SLAMF1: variants seen among roughly 807,000 people sequenced by gnomAD.
SLAMF1 encodes signaling lymphocytic activation molecule.
A neutral mutation model predicts 35.1 loss-of-function variants in SLAMF1; 18 were observed. The ratio of observed to expected loss-of-function variants is 0.51; its 90% CI spans 0.35 to 0.76. The LOEUF is 0.76. Ranked by LOEUF, SLAMF1 falls within the 30% of genes least tolerant of loss-of-function variation. The pLI is 0.01. For synonymous variants in SLAMF1, 168 were observed against 157.2 expected (o/e 1.07, Z -0.51); for missense variants, 392 against 413.0 (o/e 0.95, Z 0.44).
chr1:160,633,587 G>A (rs1057426247), intron 3 of SLAMF1, among the ~76,000 whole-genome samples: 2 of 152,214 alleles, frequency 1.3e-5, no homozygotes, highest in African/African-American at 2.4e-5. Context: ...AGTGGATGCA[G>A]AGAGGAGAAT....
rs1196237887 is a variant in SLAMF1, at chr1:160,642,833, A to G, written c.76+4037T>C. 6.6e-6 allele frequency among the ~76,000 whole-genome samples: 1 copy of G among 152,174 alleles called. No individual in the cohort carries two copies. Among genetic ancestry groups the G allele is most frequent in the Admixed American group, 6.5e-5 (1 of 15,282 alleles). The stretch of plus-strand genomic sequence containing the variant: ...GTACAACAGACAACTTGCCAAGAAC[A>G]CTTGAAACCCTTTACCTCTGCATTT... On this transcript the variant is annotated intron_variant, in intron 1 of 6. Transcript: ENST00000302035. The surrounding 1 kb of genome is among the most constrained non-coding windows in gnomAD (Gnocchi z 4.2).
At chr1:160,636,470 G>A (rs1329890701) in intron 2 of SLAMF1, among the ~76,000 whole-genome samples, 1 of 152,336 alleles carries the variant, frequency 6.6e-6, no homozygotes, top group Admixed American at 6.5e-5. Context: ...TGGGAATTCA[G>A]ATGAGTCTCT....
intron 1 of SLAMF1, among the ~76,000 whole-genome samples, chr1:160,640,083 T>G (rs1054318561): frequency 6.6e-6 from 1 of 152,158 alleles, no homozygotes. Context: ...TGTTTCTTTC[T>G]GCACTTATCA....
At chr1:160,645,416 G>C (rs929631017) in intron 1 of SLAMF1, among the ~76,000 whole-genome samples, 1 of 152,238 alleles carries the variant, frequency 6.6e-6, no homozygotes, top group Non-Finnish European at 1.5e-5. Context: ...GGATAGACTT[G>C]CCTTGTGGGG....
intron 6 of SLAMF1, among the ~76,000 whole-genome samples, chr1:160,611,151 G>T (rs538643423): frequency 1.3e-5 from 2 of 152,224 alleles, no homozygotes; most frequent in African/African-American, 4.8e-5. Flanking sequence ...GAAGCCAAGA[G>T]AGTTGTAAAT....
rs13374656 is a variant in SLAMF1 at position 160,636,505 on chromosome 1, G to C, written c.415+686C>G. Among the ~76,000 whole-genome samples the C allele has an allele frequency of 6.8e-3, 1,041 of 152,332 alleles. 7 individuals carry two copies. The highest frequency in any genetic ancestry group is 0.024 in the African/African-American group (998 of 41,576). ...TGGGCCTAAGAGACACAATCCCTGG[G>C]TGCACTCAAGAGGGACTGGTAGTTA... On this transcript the variant is annotated intron_variant, in intron 2 of 6. Transcript: ENST00000302035.
At chr1:160,631,327 G>C (rs1396234201) in intron 3 of SLAMF1, among the ~76,000 whole-genome samples, 2 of 152,242 alleles carry the variant, frequency 1.3e-5, no homozygotes, top group Non-Finnish European at 2.9e-5. Context: ...CAGGCTGGCA[G>C]GGTGGGGAGG....
chr1:160,635,063 A>T (rs1478024392), intron 2 of SLAMF1, among the ~76,000 whole-genome samples, 166 bp from the exon 3 acceptor site: 24 of 152,160 alleles, frequency 1.6e-4, no homozygotes. Flanking sequence ...ATCATGCCCC[A>T]CTACATCCTA....
At chr1:160,636,547 C>T (rs1220796771) in intron 2 of SLAMF1, among the ~76,000 whole-genome samples, 1 of 152,242 alleles carries the variant, frequency 6.6e-6, no homozygotes, top group African/African-American at 2.4e-5. Flanking sequence ...CTCAAAAAAG[C>T]ACTGGCCTTG....
At chr1:160,641,278 GGA>G (rs1304717531) in intron 1 of SLAMF1, among the ~76,000 whole-genome samples, 1 of 151,636 alleles carries the variant, frequency 6.6e-6, no homozygotes, top group Admixed American at 6.6e-5. Context: ...ACTTTGATAG[GGA>G]GAAAAAAAGA....
chr1:160,624,161 G>C lies in SLAMF1; in HGVS notation c.725C>G (p.Ala242Gly). The change falls in exon 4 of 7, where the codon GCT becomes GGT. Residue 242 changes from alanine (A) to glycine (G), a missense_variant. Coordinates refer to ENST00000302035, the MANE Select transcript of SLAMF1 (RefSeq NM_003037.5). ...PSETKPWAVY[A>G]GLLGGVIMIL... ...CATGATGACACCCCCTAACAGCCCA[G>C]CATACACTGCCCATGGTTTTGTTTC... The C allele has an allele frequency of 3.1e-6, 5 of 1,610,276 alleles. No individual in the cohort carries two copies. Among genetic ancestry groups the C allele is most frequent in the Non-Finnish European group, 4.2e-6 (5 of 1,178,238 alleles).
At position 160,610,106 on chromosome 1, in the gene SLAMF1, A is replaced by G; in HGVS notation, c.*642T>C. ...CTGTTCAAAACTCAGAGATCTCAAA[A>G]TCATTCTTTCTGTTTATTGACTTTT... On this transcript the variant is annotated 3_prime_UTR_variant, in exon 7 of 7. Coordinates refer to ENST00000302035, the MANE Select transcript of SLAMF1 (RefSeq NM_003037.5). 3.0e-6 allele frequency: 1 copy of G among 337,880 alleles called. No homozygotes were observed. 20.9% of individuals were successfully genotyped at this position (337,880 alleles called of 1,614,324 possible). A position where few individuals can be genotyped will look rare whatever the true frequency, so the allele number is the denominator to read the frequency against.
intron 4 of SLAMF1, among the ~76,000 whole-genome samples, chr1:160,623,002 G>A (rs548595487): frequency 6.6e-4 from 100 of 152,286 alleles, no homozygotes; most frequent in South Asian, 5.8e-3. Flanking sequence ...GGGACAAATG[G>A]TGAATGGGGT....
At position 160,609,902 on chromosome 1, in the gene SLAMF1, A is replaced by C; in HGVS notation, c.*846T>G. On this transcript the variant is annotated 3_prime_UTR_variant, in exon 7 of 7. Coordinates refer to ENST00000302035, the MANE Select transcript of SLAMF1 (RefSeq NM_003037.5). Reference sequence around the variant, plus strand: ...AGGTTTGTTGTTCAAGGGAATCAACAGAGAACTGGGATTTAAACATCATTT... The same window carrying C: ...AGGTTTGTTGTTCAAGGGAATCAACCGAGAACTGGGATTTAAACATCATTT... The C allele has an allele frequency of 5.7e-6, 1 of 174,692 alleles. No homozygotes were observed. Among genetic ancestry groups the C allele is most frequent in the Non-Finnish European group, 1.2e-5 (1 of 81,668 alleles). 10.8% of individuals were successfully genotyped at this position (174,692 alleles called of 1,614,324 possible). A position where few individuals can be genotyped will look rare whatever the true frequency, so the allele number is the denominator to read the frequency against.
chr1:160,616,436 C>T (rs1659307244), intron 5 of SLAMF1, among the ~76,000 whole-genome samples: 1 of 146,522 alleles, frequency 6.8e-6, no homozygotes, highest in African/African-American at 2.5e-5. Flanking sequence ...CACTCAGAAA[C>T]ATAAGTGGAA....
At chr1:160,634,137 C>T (rs1190430422) in intron 3 of SLAMF1, among the ~76,000 whole-genome samples, 5 of 152,310 alleles carry the variant, frequency 3.3e-5, no homozygotes, top group East Asian at 1.9e-4. Flanking sequence ...CAATGTTTTA[C>T]GTCTTATCTT....
chr1:160,639,090 C>A (rs1311595028), intron 1 of SLAMF1, among the ~76,000 whole-genome samples: 7 of 152,210 alleles, frequency 4.6e-5, no homozygotes, highest in Admixed American at 4.6e-4. Flanking sequence ...ACTTGGAGGT[C>A]TAAAGGGCAT....
At chr1:160,624,965 C>T (rs962309649) in intron 3 of SLAMF1, among the ~76,000 whole-genome samples, 1 of 152,188 alleles carries the variant, frequency 6.6e-6, no homozygotes. Flanking sequence ...TTGCAATGGG[C>T]CACATATTTT....
At position 160,609,117 on chromosome 1, in the gene SLAMF1, A is replaced by G; in HGVS notation, c.*1631T>C. The G allele has an allele frequency of 6.6e-6, 1 of 152,466 alleles. No homozygotes were observed. The highest frequency in any genetic ancestry group is 2.4e-5 in the African/African-American group (1 of 41,574). The allele number at this position is 152,466 out of a possible 1,614,324, so 9.4% of individuals were successfully genotyped here. A position where few individuals can be genotyped will look rare whatever the true frequency, so the allele number is the denominator to read the frequency against. On this transcript the variant is annotated 3_prime_UTR_variant, in exon 7 of 7. Transcript: ENST00000302035. ...AATATCAAGTTTCCAAGTCCAGCAG[A>G]GACAGTGAGGCAGTGGTAGAGTCTG...
Sources: gnomAD v4.1 joint callset for allele counts (sites outside exome capture counted in the v4.1 genomes callset) on GRCh38, gnomAD v4.1.1 for gene constraint, Gnocchi (gnomAD v3.1) non-coding constraint, MANE v1.5 for transcripts, NCBI Gene and HGNC (gene_info 2026-07-23, HGNC 2026-07-21) for gene names.